The following AADACL3 variants were observed in gnomAD, a reference collection of about 807,000 sequenced individuals.
The protein encoded by AADACL3 is arylacetamide deacetylase like 3.
In AADACL3, 13 loss-of-function variants were observed where a neutral mutation model predicts 13.6. That is an observed-to-expected ratio of 0.95 (90% CI 0.62 to 1.52). The LOEUF (loss-of-function observed/expected upper bound fraction) is 1.52, where lower values mean the gene tolerates loss of function less well. Ranked by LOEUF, AADACL3 falls within the 40% of genes most tolerant of loss-of-function variation. AADACL3 has a pLI of 0.00. For missense variants in AADACL3, 519 were observed against 499.2 expected (o/e 1.04, Z -0.38); for synonymous variants, 195 against 197.0 (o/e 0.99, Z 0.08).
rs3000859 is a variant in AADACL3 at position 12,716,341 on chromosome 1, T to G, written c.165T>G (p.Thr55=). 6.2e-7 allele frequency: 1 copy of G among 1,613,854 alleles called. No homozygotes were observed. Among genetic ancestry groups the G allele is most frequent in the African/African-American group, 1.3e-5 (1 of 74,820 alleles). ...ATTGCATCTTCCAGCTGCTGTTGAC[T>G]TGGGTGAGTTTTGTGCTTTATGTGT... is the stretch of plus-strand genomic sequence containing the variant. ...VLHCIFQLLL[T]WGMIFEKLRI... The change falls in exon 1 of 4, where the codon ACT becomes ACG. Residue 55 remains threonine (T), a synonymous_variant. Coordinates refer to ENST00000359318, the MANE Select transcript of AADACL3 (RefSeq NM_001103170.3).
chr1:12,717,181 T>C (rs1409608320), intron 1 of AADACL3, among the ~76,000 whole-genome samples: 1 of 152,206 alleles, frequency 6.6e-6, no homozygotes, highest in Non-Finnish European at 1.5e-5. Context: ...TTCTATGCTA[T>C]TCAAAATAAT....
chr1:12,720,602 A>G (rs919566896), intron 2 of AADACL3, among the ~76,000 whole-genome samples: 1 of 152,144 alleles, frequency 6.6e-6, no homozygotes, highest in Non-Finnish European at 1.5e-5. Flanking sequence ...CTCCAGTCTG[A>G]ATCCAGAGCT....
intron 3 of AADACL3, among the ~76,000 whole-genome samples, chr1:12,724,722 T>G (rs10864580): frequency 0.33 from 49,557 of 152,054 alleles, 8,782 homozygotes; most frequent in African/African-American, 0.48. Flanking sequence ...TTGGACTCAA[T>G]GGATCGGCCC....
Position 12,725,658 on chromosome 1 carries a change from G to A in AADACL3, c.886G>A (p.Glu296Lys), listed in dbSNP as rs2100217741. 1 of 1,614,130 alleles carries A rather than the reference G, an allele frequency of 6.2e-7. No individual in the cohort carries two copies. Among genetic ancestry groups the A allele is most frequent in the Non-Finnish European group, 8.5e-7 (1 of 1,180,022 alleles). The change falls in exon 4 of 4, where the codon GAG becomes AAG. Residue 296 changes from glutamate (E) to lysine (K), a missense_variant. Coordinates refer to ENST00000359318, the MANE Select transcript of AADACL3 (RefSeq NM_001103170.3). Reference sequence around the variant, plus strand: ...AGAAAACATCCCTGAGAGGTTTAAGGAGAGGGGTTACCAACTGAAGCCCCA... The same window carrying A: ...AGAAAACATCCCTGAGAGGTTTAAGAAGAGGGGTTACCAACTGAAGCCCCA... ...GPENIPERFKERGYQLKPHEP... is the reference protein window; with the variant it reads ...GPENIPERFKKRGYQLKPHEP...
Position 12,726,233 on chromosome 1 carries a change from G to A in AADACL3, c.*237G>A. The A allele has an allele frequency of 1.9e-6, 1 of 525,736 alleles. No individual in the cohort carries two copies. Among genetic ancestry groups the A allele is most frequent in the South Asian group, 2.8e-5 (1 of 35,272 alleles). The allele number at this position is 525,736 out of a possible 1,614,324, so 32.6% of individuals were successfully genotyped here. A position where few individuals can be genotyped will look rare whatever the true frequency, so the allele number is the denominator to read the frequency against. On this transcript the variant is annotated 3_prime_UTR_variant, in exon 4 of 4. Transcript: ENST00000359318. ...TGTGGCTGTCTCTATTCTCTGTTGG[G>A]AAAACCTGGGCTGACAATATTCAGT...
rs1473371493 is a variant in AADACL3 at position 12,728,321 on chromosome 1, G to T, written c.*2325G>T. 1 of 152,148 alleles carries T rather than the reference G, an allele frequency of 6.6e-6. No individual in the cohort carries two copies. The highest frequency in any genetic ancestry group is 1.5e-5 in the Non-Finnish European group (1 of 68,032). The allele number at this position is 152,148 out of a possible 1,614,324, so 9.4% of individuals were successfully genotyped here. The stretch of plus-strand genomic sequence containing the variant: ...TATGGATATTGCAGATTCAGTTCCA[G>T]ACCACAGCAATAAAGCAAGTCACAT... On this transcript the variant is annotated 3_prime_UTR_variant, in exon 4 of 4. Coordinates refer to ENST00000359318, the MANE Select transcript of AADACL3 (RefSeq NM_001103170.3).
chr1:12,721,095 A>G lies in AADACL3; in HGVS notation c.449+149A>G, dbSNP rs1484082439. The G allele has an allele frequency of 5.1e-6, 3 of 593,962 alleles. No individual in the cohort carries two copies. In the Admixed American group the frequency reaches 8.5e-5, roughly 17 times the overall value. The allele number at this position is 593,962 out of a possible 1,614,324, so 36.8% of individuals were successfully genotyped here. ...CCAGAGGTGGGGATGGGCTGGGAGA[A>G]GCCAGTGAAGAGAGAAAAAGAAGGC... On this transcript the variant is annotated intron_variant, in intron 3 of 3. Transcript: ENST00000359318.
chr1:12,722,642 T>A (rs948951270), intron 3 of AADACL3, among the ~76,000 whole-genome samples: 1 of 152,048 alleles, frequency 6.6e-6, no homozygotes, highest in African/African-American at 2.4e-5. Context: ...AAACAGCTGA[T>A]GGAAGTTTTG....
In AADACL3 at chr1:12,725,562, C is replaced by A; in HGVS notation, c.790C>A (p.Gln264Lys). The change falls in exon 4 of 4, where the codon CAA becomes AAA. Residue 264 changes from glutamine (Q) to lysine (K), a missense_variant. Physicochemically the swap from Gln to Lys is moderately conservative, Grantham distance 53. Coordinates refer to ENST00000359318, the MANE Select transcript of AADACL3 (RefSeq NM_001103170.3). ...FQNLDFSSSW[Q>K]EVIMKGAHLP... Reference sequence around the variant, plus strand: ...AAACCTGGATTTCAGCTCCTCCTGGCAAGAGGTCATCATGAAAGGTGCCCA... The same window carrying A: ...AAACCTGGATTTCAGCTCCTCCTGGAAAGAGGTCATCATGAAAGGTGCCCA... 6.2e-7 allele frequency: 1 copy of A among 1,614,092 alleles called. No homozygotes were observed. The highest frequency in any genetic ancestry group is 8.5e-7 in the Non-Finnish European group (1 of 1,180,026).
chr1:12,726,041 A>C lies in AADACL3; in HGVS notation c.*45A>C. The C allele has an allele frequency of 6.4e-7, 1 of 1,559,940 alleles. No homozygotes were observed. The highest frequency in any genetic ancestry group is 8.7e-7 in the Non-Finnish European group (1 of 1,152,682). On this transcript the variant is annotated 3_prime_UTR_variant, in exon 4 of 4. Transcript: ENST00000359318. ...GTACTGCGGTGTGGATTCCACTGGC[A>C]TCCAGCCTCCCACAGGGCTCTCTGT... is the stretch of plus-strand genomic sequence containing the variant.
intron 1 of AADACL3, among the ~76,000 whole-genome samples, chr1:12,717,564 C>T (rs1358651772): frequency 6.6e-6 from 1 of 152,186 alleles, no homozygotes; most frequent in Admixed American, 6.5e-5. Flanking sequence ...CTACGCCAGT[C>T]CTGGGCTCTA....
rs1188841227 is a variant in AADACL3, at chr1:12,727,537, C to T, written c.*1541C>T. 1.3e-5 allele frequency: 2 copies of T among 152,230 alleles called. No homozygotes were observed. The highest frequency in any genetic ancestry group is 2.9e-5 in the Non-Finnish European group (2 of 68,062). 9.4% of individuals were successfully genotyped at this position (152,230 alleles called of 1,614,324 possible). On this transcript the variant is annotated 3_prime_UTR_variant, in exon 4 of 4. Transcript: ENST00000359318. ...GGCCCCACTTGGTCTTCTGGAGGCT[C>T]TGATCTTGGTTGGTTAGTGGTCTTT... is the stretch of plus-strand genomic sequence containing the variant.
chr1:12,721,302 C>A (rs931906014), intron 3 of AADACL3, among the ~76,000 whole-genome samples: 3 of 151,792 alleles, frequency 2.0e-5, no homozygotes, highest in Non-Finnish European at 4.4e-5. Flanking sequence ...CTTGGGAGGC[C>A]GAGGAGGAAG....
chr1:12,724,048 T>A (rs945969339), intron 3 of AADACL3, among the ~76,000 whole-genome samples: 1 of 152,202 alleles, frequency 6.6e-6, no homozygotes, highest in Admixed American at 6.5e-5. Context: ...CCTCCCAAAG[T>A]GCTGGGATTA....
At chr1:12,716,443 T>A in intron 1 of AADACL3, 99 bp downstream of exon 1, 2 of 1,497,058 alleles carry the variant, frequency 1.3e-6, no homozygotes, top group Admixed American at 3.3e-5. Flanking sequence ...AACACCGGTA[T>A]CATGGGGCCT....
In AADACL3 at chr1:12,719,651, C is replaced by T. The variant is rs1299337613; in HGVS notation, c.345C>T (p.Ile115=). ...KASTCTLKPG[I]VYYHGGGGVM... is the part of the protein sequence containing the mutation. ...CCACCTGCACCCTGAAGCCTGGCAT[C>T]GTGTACTACCACGGTGGCGGGGGCG... Residue 115 remains isoleucine (I), a synonymous_variant, in exon 2 of 4, where the codon ATC becomes ATT. Transcript: ENST00000359318. 5 of 1,614,148 alleles carry T rather than the reference C, an allele frequency of 3.1e-6. No individual in the cohort carries two copies. Among genetic ancestry groups the T allele is most frequent in the East Asian group, 2.2e-5 (1 of 44,878 alleles).
At chr1:12,723,144 T>C (rs1264676006) in intron 3 of AADACL3, among the ~76,000 whole-genome samples, 1 of 152,092 alleles carries the variant, frequency 6.6e-6, no homozygotes, top group African/African-American at 2.4e-5. Flanking sequence ...AGTGCTGAGG[T>C]TATAAGTGTG....
At position 12,720,965 on chromosome 1, in the gene AADACL3, C is replaced by T; in HGVS notation, c.449+19C>T. On this transcript the variant is annotated intron_variant, in intron 3 of 3. Transcript: ENST00000359318. ...CAGTTGGGTGAGTAAAGGGGAGATCCCAGGGAGCCAGCAAGGAGCAAGGCT... is the reference window on the plus strand; with the variant it reads ...CAGTTGGGTGAGTAAAGGGGAGATCTCAGGGAGCCAGCAAGGAGCAAGGCT... The T allele has an allele frequency of 3.1e-6, 5 of 1,595,520 alleles. No homozygotes were observed. The highest frequency in any genetic ancestry group is 4.3e-6 in the Non-Finnish European group (5 of 1,171,424).
rs142181015 is a variant in AADACL3, at chr1:12,725,015, C to T, written c.450-207C>T. Reference sequence around the variant, plus strand: ...GTGGATGTCTCGTGACACAGGTCCCCCATTAGGGCATTGAGACAGTAGGAA... The same window carrying T: ...GTGGATGTCTCGTGACACAGGTCCCTCATTAGGGCATTGAGACAGTAGGAA... On this transcript the variant is annotated intron_variant, in intron 3 of 3. Coordinates refer to ENST00000359318, the MANE Select transcript of AADACL3 (RefSeq NM_001103170.3). 2.1e-3 allele frequency among the ~76,000 whole-genome samples: 315 copies of T among 152,204 alleles called. 1 individual carries two copies. Among genetic ancestry groups the T allele is most frequent in the Non-Finnish European group, 3.6e-3 (242 of 68,012 alleles).
Sources: allele counts gnomAD v4.1 joint callset (sites outside exome capture counted in the v4.1 genomes callset), GRCh38; gene constraint gnomAD v4.1.1; transcripts MANE v1.5; gene names NCBI Gene and HGNC (gene_info 2026-07-23, HGNC 2026-07-21).